TBCD: variants seen among roughly 807,000 people sequenced by gnomAD.
TBCD encodes the protein tubulin folding cofactor D, also known as tubulin-specific chaperone D.
In TBCD, 105 loss-of-function variants were observed where a neutral mutation model predicts 169.3. The observed-to-expected ratio is 0.62, with a 90% CI of 0.53 to 0.73. The LOEUF (loss-of-function observed/expected upper bound fraction) is 0.73, where lower values mean the gene tolerates loss of function less well. TBCD is among the 30% of genes least tolerant of loss of function. The pLI, the probability that TBCD is intolerant of heterozygous loss-of-function variation, is 0.00. For missense variants in TBCD, 1,444 were observed against 1,600.1 expected (o/e 0.90, Z 1.66); for synonymous variants, 700 against 643.9 (o/e 1.09, Z -1.32).
chr17:82,883,259 G>A (rs1045956206), intron 14 of TBCD, among the ~76,000 whole-genome samples: 4 of 152,266 alleles, frequency 2.6e-5, no homozygotes, highest in East Asian at 1.9e-4. Context: ...CTTGGAGGCC[G>A]CTTATCTCCG....
In TBCD at chr17:82,871,273, A is replaced by G. The variant is rs552555025; in HGVS notation, c.1475+893A>G. Among the ~76,000 whole-genome samples, 87 of 152,288 alleles carry G rather than the reference A, an allele frequency of 5.7e-4. 1 individual carries two copies. The Middle Eastern group carries it at 0.01, about 18-fold the overall frequency. On this transcript the variant is annotated intron_variant, in intron 14 of 38. Transcript: ENST00000355528. ...GCAGGAAACGATTCAATTCAATTCA[A>G]CCGTGTGCGCTGGTTTTGTACACTG... is the stretch of plus-strand genomic sequence containing the variant.
chr17:82,927,664 G>A (rs1010081361), intron 29 of TBCD, among the ~76,000 whole-genome samples: 10 of 152,042 alleles, frequency 6.6e-5, no homozygotes, highest in African/African-American at 2.4e-4. Flanking sequence ...CCCCTGAAAC[G>A]CCTGTGTGTG....
intron 13 of TBCD, among the ~76,000 whole-genome samples, chr17:82,869,014 G>C (rs974273119): frequency 1.3e-5 from 2 of 152,288 alleles, no homozygotes; most frequent in African/African-American, 4.8e-5. Context: ...CGTGTGCAGA[G>C]CCCTGAATGA....
intron 13 of TBCD, chr17:82,838,783 A>AG (rs1295732487): frequency 1.3e-5 from 13 of 985,336 alleles, no homozygotes; most frequent in Non-Finnish European, 1.6e-5. Flanking sequence ...AAAAACAACC[A>AG]GGGGCTCTTA....
chr17:82,800,448 A>G (rs78850947), intron 8 of TBCD, among the ~76,000 whole-genome samples: 6,312 of 151,078 alleles, frequency 0.042, 246 homozygotes, highest in African/African-American at 0.11. Context: ...AGTGTGCTCC[A>G]TGGCTTCTGG....
Position 82,788,926 on chromosome 17 carries a change from A to C in TBCD, c.771+7205A>C, listed in dbSNP as rs554343420. Among the ~76,000 whole-genome samples, 3 of 152,362 alleles carry C rather than the reference A, an allele frequency of 2.0e-5. No homozygotes were observed. The South Asian group carries it at 6.2e-4, about 32-fold the overall frequency. ...ACAGTCAGTCTTTGAAGATGAAAGA[A>C]GACAGCTGATTATCTAAAACATTTC... On this transcript the variant is annotated intron_variant, in intron 7 of 38. Coordinates refer to ENST00000355528, the MANE Select transcript of TBCD (RefSeq NM_005993.5).
At chr17:82,892,464 C>T (rs2059209356) in intron 16 of TBCD, among the ~76,000 whole-genome samples, 1 of 152,152 alleles carries the variant, frequency 6.6e-6, no homozygotes, top group Non-Finnish European at 1.5e-5. Context: ...GCCCAAGCTC[C>T]CAGTGTAACC....
In TBCD at chr17:82,923,723, C is replaced by A; in HGVS notation, c.2250C>A (p.Pro750=). The A allele has an allele frequency of 6.3e-7, 1 of 1,598,530 alleles. No individual in the cohort carries two copies. The highest frequency in any genetic ancestry group is 1.1e-5 in the South Asian group (1 of 88,206). Residue 750 remains proline (P), a synonymous_variant, in exon 26 of 39, where the codon CCC becomes CCA. Coordinates refer to ENST00000355528, the MANE Select transcript of TBCD (RefSeq NM_005993.5). The surrounding 1 kb of genome is among the most constrained non-coding windows in gnomAD (Gnocchi z 4.6). ...TGAAGGAGCCGGGGGAGGCAGATCCCGCAATTCAGGGTGAGTGGGGAGCCC... is the reference window on the plus strand; with the variant it reads ...TGAAGGAGCCGGGGGAGGCAGATCCAGCAATTCAGGGTGAGTGGGGAGCCC... ...YYMKEPGEAD[P]AIQEELITQY... is the part of the protein sequence containing the mutation.
rs1161749228 is a variant in TBCD, at chr17:82,922,192, C to G, written c.2178+615C>G. Among the ~76,000 whole-genome samples, 1 of 152,208 alleles carries G rather than the reference C, an allele frequency of 6.6e-6. No individual in the cohort carries two copies. The highest frequency in any genetic ancestry group is 1.9e-4 in the East Asian group (1 of 5,196). ...CCTGGCCAACATGGTGAAACCCCAT[C>G]TCTACTAAAAATACAAAAATTAGCG... On this transcript the variant is annotated intron_variant, in intron 25 of 38. Coordinates refer to ENST00000355528, the MANE Select transcript of TBCD (RefSeq NM_005993.5). This position sits in a 1 kb window ranked among gnomAD's most constrained non-coding sequence, Gnocchi z 4.1.
chr17:82,757,927 G>A (rs2047489159), intron 2 of TBCD, among the ~76,000 whole-genome samples: 1 of 152,168 alleles, frequency 6.6e-6, no homozygotes, highest in Admixed American at 6.6e-5. Context: ...TGCTCACAAG[G>A]TAGCGGGTGG....
At position 82,920,563 on chromosome 17, in the gene TBCD, T is replaced by C. The variant is rs1453160169; in HGVS notation, c.2046T>C (p.Val682=). The C allele has an allele frequency of 6.5e-7, 1 of 1,545,358 alleles. No homozygotes were observed. Among genetic ancestry groups the C allele is most frequent in the Non-Finnish European group, 8.7e-7 (1 of 1,146,392 alleles). ...TTTTTTTTTTTTTTCCAGTGTGTGTTTTAATAGAAAAGTTGTCACTTTCCA... is the reference window on the plus strand; with the variant it reads ...TTTTTTTTTTTTTTCCAGTGTGTGTCTTAATAGAAAAGTTGTCACTTTCCA... ...GGQLMRQAVC[V]LIEKLSLSKM... is the part of the protein sequence containing the mutation. Residue 682 remains valine, a synonymous_variant, in exon 24 of 39, where the codon GTT becomes GTC. Transcript: ENST00000355528. The surrounding 1 kb of genome is among the most constrained non-coding windows in gnomAD (Gnocchi z 4.1).
intron 31 of TBCD, 33 bp from the exon 32 acceptor site, chr17:82,929,329 C>T (rs779289038): frequency 1.2e-6 from 2 of 1,609,466 alleles, no homozygotes; most frequent in South Asian, 2.2e-5. Context: ...AGATCATTGG[C>T]AGCCCGGCCT....
intron 7 of TBCD, among the ~76,000 whole-genome samples, chr17:82,790,912 C>T (rs2049674686): frequency 6.6e-6 from 1 of 152,018 alleles, no homozygotes; most frequent in Non-Finnish European, 1.5e-5. Flanking sequence ...CCCCTGCTTC[C>T]CAGGCCAATG....
At chr17:82,898,212 C>T (rs1399866326) in intron 17 of TBCD, among the ~76,000 whole-genome samples, 7 of 126,776 alleles carry the variant, frequency 5.5e-5, no homozygotes, top group Middle Eastern at 4.2e-3. Flanking sequence ...GCACACGGCA[C>T]GGCTCTGGGT....
chr17:82,838,763 A>G, intron 13 of TBCD: 1 of 985,442 alleles, frequency 1.0e-6, no homozygotes, highest in South Asian at 4.7e-5. Flanking sequence ...ATTTGGAAGA[A>G]TGGATCCAGA....
At chr17:82,758,661 C>T (rs113611550) in intron 2 of TBCD, among the ~76,000 whole-genome samples, 1,490 of 92,748 alleles carry the variant, frequency 0.016, no homozygotes, top group Middle Eastern at 0.026. Flanking sequence ...TTTTTTTTTT[C>T]TTTTTTTTTT....
intron 7 of TBCD, 22 bp downstream of exon 7, chr17:82,781,743 T>C (rs760701760): frequency 2.5e-6 from 4 of 1,609,610 alleles, no homozygotes; most frequent in East Asian, 2.2e-5. Context: ...CCGCAGGGGC[T>C]GTGGAGATCG....
At position 82,941,492 on chromosome 17, in the gene TBCD, G is replaced by A; in HGVS notation, c.3564+9G>A. On this transcript the variant is annotated intron_variant, in intron 38 of 38. Coordinates refer to ENST00000355528, the MANE Select transcript of TBCD (RefSeq NM_005993.5). ...CCCAGCTGGTGCCCCAGGTAACCCT[G>A]TCACCTTCACAGCATGAGGTGCCTG... 1 of 1,583,634 alleles carries A rather than the reference G, an allele frequency of 6.3e-7. No homozygotes were observed.
chr17:82,940,217 G>GCACACACACACACACA (rs576338657), intron 37 of TBCD, among the ~76,000 whole-genome samples: 11 of 101,450 alleles, frequency 1.1e-4, no homozygotes, highest in East Asian at 9.2e-4. Context: ...TCACTTGCAC[G>GCACACACACACACACA]CGCGCACACA....
Sources: allele counts gnomAD v4.1 joint callset (sites outside exome capture counted in the v4.1 genomes callset), GRCh38; gene constraint gnomAD v4.1.1; non-coding constraint Gnocchi (gnomAD v3.1); transcripts MANE v1.5; gene names NCBI Gene and HGNC (gene_info 2026-07-23, HGNC 2026-07-21).